The following PRDM16 variants were observed in gnomAD, a reference collection of about 807,000 sequenced individuals.
PRDM16 encodes the protein histone-lysine N-methyltransferase PRDM16.
In PRDM16, 23 loss-of-function variants were observed where a neutral mutation model predicts 110.6. The ratio of observed to expected loss-of-function variants is 0.21; its 90% confidence interval spans 0.15 to 0.29. The LOEUF (loss-of-function observed/expected upper bound fraction) is 0.29. Ranked by LOEUF, PRDM16 falls within the 10% of genes least tolerant of loss-of-function variation. PRDM16 has a pLI of 1.00. For synonymous variants in PRDM16, 799 were observed against 781.8 expected, an observed-to-expected ratio of 1.02 and a Z score of -0.37; for missense variants, 1,615 against 1,794.3, an observed-to-expected ratio of 0.90 and a Z score of 1.81.
At chr1:3,338,685 G>A (rs1417945989) in intron 3 of PRDM16, among the ~76,000 whole-genome samples, 2 of 152,190 alleles carry the variant, frequency 1.3e-5, no homozygotes, top group Non-Finnish European at 2.9e-5. Flanking sequence ...TTGGCTGGCT[G>A]GGGAAGCTCC....
intron 3 of PRDM16, among the ~76,000 whole-genome samples, chr1:3,343,552 G>T (rs1642309944): frequency 6.6e-6 from 1 of 150,778 alleles, no homozygotes. Context: ...CTCTCCTCCT[G>T]GGACTCCAGT....
At chr1:3,381,341 T>G (rs1020413169) in intron 3 of PRDM16, among the ~76,000 whole-genome samples, 1 of 151,414 alleles carries the variant, frequency 6.6e-6, no homozygotes, top group African/African-American at 2.4e-5. Flanking sequence ...CAGGGATTTA[T>G]TGGGGAGAGC....
intron 2 of PRDM16, among the ~76,000 whole-genome samples, chr1:3,196,962 C>T (rs1638494809): frequency 6.6e-6 from 1 of 152,220 alleles, no homozygotes; most frequent in South Asian, 2.1e-4. Context: ...GGGGACCCCA[C>T]TGTTGCCCAG....
At chr1:3,345,349 A>G (rs991132271) in intron 3 of PRDM16, among the ~76,000 whole-genome samples, 1 of 152,220 alleles carries the variant, frequency 6.6e-6, no homozygotes, top group African/African-American at 2.4e-5. Context: ...CTACTCTACC[A>G]CTGTGGGAAC....
At position 3,081,434 on chromosome 1, in the gene PRDM16, A is replaced by G. The variant is rs1249586248; in HGVS notation, c.37+12138A>G. Among the ~76,000 whole-genome samples, 1 of 152,098 alleles carries G rather than the reference A, an allele frequency of 6.6e-6. No homozygotes were observed. Among genetic ancestry groups the G allele is most frequent in the East Asian group, 1.9e-4 (1 of 5,170 alleles). On this transcript the variant is annotated intron_variant, in intron 1 of 16. Coordinates refer to ENST00000270722, the MANE Select transcript of PRDM16 (RefSeq NM_022114.4). This position sits in a 1 kb window ranked among gnomAD's most constrained non-coding sequence, Gnocchi z 4.6. ...AGCCTGGCCCGGCCGGCCCCTGGAG[A>G]GCCCCCTCCTTGTCCCACCAGACCG...
At chr1:3,123,693 G>A (rs1053301060) in intron 1 of PRDM16, among the ~76,000 whole-genome samples, 2 of 152,234 alleles carry the variant, frequency 1.3e-5, no homozygotes, top group Admixed American at 1.3e-4. Context: ...AGGAGATGCG[G>A]CTGTGAGGGT....
chr1:3,186,178 A>G lies in PRDM16; in HGVS notation c.91A>G (p.Ser31Gly), dbSNP rs1569798407. 6.2e-7 allele frequency: 1 copy of G among 1,612,894 alleles called. No homozygotes were observed. Among genetic ancestry groups the G allele is most frequent in the East Asian group, 2.2e-5 (1 of 44,880 alleles). Reference sequence around the variant, plus strand: ...TGAGCCCAACCGGGACCTGCTGGCCAGCCACAGCGCGGAGGACGAGGCCGA... The same window carrying G: ...TGAGCCCAACCGGGACCTGCTGGCCGGCCACAGCGCGGAGGACGAGGCCGA... The part of the protein sequence containing the change: ...MYEPNRDLLA[S>G]HSAEDEAEDS... Residue 31 changes from serine to glycine, a missense_variant, in exon 2 of 17, where the codon AGC (serine) becomes GGC (glycine). By Grantham distance (56) the Ser-to-Gly change is moderately conservative. Transcript: ENST00000270722.
intron 3 of PRDM16, among the ~76,000 whole-genome samples, chr1:3,285,476 A>G (rs1463188543): frequency 6.6e-6 from 1 of 152,020 alleles, no homozygotes; most frequent in African/African-American, 2.4e-5. Flanking sequence ...CCCACTCACA[A>G]ATCTCGGGAC....
At chr1:3,191,663 C>T (rs1054034118) in intron 2 of PRDM16, among the ~76,000 whole-genome samples, 2 of 152,232 alleles carry the variant, frequency 1.3e-5, no homozygotes, top group African/African-American at 4.8e-5. Context: ...GTTTGGAATA[C>T]TGATGCTCTT....
At chr1:3,400,965 T>C (rs1481462395) in intron 5 of PRDM16, among the ~76,000 whole-genome samples, 2 of 152,062 alleles carry the variant, frequency 1.3e-5, no homozygotes, top group Non-Finnish European at 2.9e-5. Flanking sequence ...TGTACCTTGG[T>C]TGGCAAGGGG....
At chr1:3,138,549 C>T in intron 1 of PRDM16, among the ~76,000 whole-genome samples, 1 of 152,254 alleles carries the variant, frequency 6.6e-6, no homozygotes, top group East Asian at 1.9e-4. Context: ...GGTGACATAC[C>T]TGCCCTCACC....
chr1:3,076,909 T>G (rs1194064103), intron 1 of PRDM16, among the ~76,000 whole-genome samples: 1 of 152,080 alleles, frequency 6.6e-6, no homozygotes, highest in Non-Finnish European at 1.5e-5. Context: ...TGGGTGTTTT[T>G]GGGGGGGACA....
rs546965006 is a variant in PRDM16, at chr1:3,081,909, A to T, written c.37+12613A>T. 2.6e-5 allele frequency among the ~76,000 whole-genome samples: 4 copies of T among 152,318 alleles called. No homozygotes were observed. In the South Asian group the frequency reaches 8.3e-4, roughly 32 times the overall value. On this transcript the variant is annotated intron_variant, in intron 1 of 16. Coordinates refer to ENST00000270722, the MANE Select transcript of PRDM16 (RefSeq NM_022114.4). The surrounding 1 kb of genome is among the most constrained non-coding windows in gnomAD (Gnocchi z 4.6). ...CACAGACCCAGAGGCAGAGGCCTTC[A>T]GGGCCAGCAGTCAGGATGGGCAGAT...
At chr1:3,169,420 ACC>A (rs1643999202) in intron 1 of PRDM16, among the ~76,000 whole-genome samples, 1 of 151,988 alleles carries the variant, frequency 6.6e-6, no homozygotes, top group South Asian at 2.1e-4. Context: ...GTTGGAAGAT[ACC>A]ACACAGGGGT....
chr1:3,231,630 C>T (rs1639418730), intron 2 of PRDM16, among the ~76,000 whole-genome samples: 1 of 152,210 alleles, frequency 6.6e-6, no homozygotes, highest in Non-Finnish European at 1.5e-5. Context: ...GAAGGAAGGT[C>T]GGAGGAACAT....
chr1:3,186,307 A>G lies in PRDM16; in HGVS notation c.220A>G (p.Ile74Val), dbSNP rs774220044. ...EGSPYEAPVYIPEDIPIPADF... is the reference protein window; with the variant it reads ...EGSPYEAPVYVPEDIPIPADF... ...CTCGCCGTACGAGGCCCCTGTCTAC[A>G]TTCCTGAAGACATTCCGATCCCAGC... Residue 74 changes from isoleucine to valine, a missense_variant, in exon 2 of 17, where the codon ATT (isoleucine) becomes GTT (valine). Physicochemically the swap from Ile to Val is conservative, Grantham distance 29. Transcript: ENST00000270722. 6 of 1,611,962 alleles carry G rather than the reference A, an allele frequency of 3.7e-6. No individual in the cohort carries two copies. The highest frequency in any genetic ancestry group is 5.1e-6 in the Non-Finnish European group (6 of 1,179,516).
At chr1:3,393,878 G>A (rs1286868533) in intron 4 of PRDM16, among the ~76,000 whole-genome samples, 2 of 152,164 alleles carry the variant, frequency 1.3e-5, no homozygotes, top group Non-Finnish European at 2.9e-5. Context: ...CTCGGGCCCT[G>A]CGATCAGCAG....
intron 3 of PRDM16, among the ~76,000 whole-genome samples, chr1:3,292,857 G>C (rs577978376): frequency 2.0e-5 from 3 of 152,352 alleles, no homozygotes; most frequent in South Asian, 4.1e-4. Flanking sequence ...CGAATGGCCT[G>C]GGTGGGTTTC....
rs1557509300 is a variant in PRDM16, at chr1:3,181,476, AGTCTTACACACAGCCTTACGCATG to A, written c.38-4637_38-4614del. Among the ~76,000 whole-genome samples the A allele has an allele frequency of 1.8e-3, 79 of 44,396 alleles. 8 individuals are homozygous for A. The highest frequency in any genetic ancestry group is 3.8e-3 in the African/African-American group (74 of 19,506). The allele number at this position is 44,396 out of a possible 152,430, so 29.1% of individuals were successfully genotyped here. A position where few individuals can be genotyped will look rare whatever the true frequency, so the allele number is the denominator to read the frequency against. ...GTCTTACACACGGTCTTACACACGCAGTCTTACACACAGCCTTACGCATGGTCTTACACACGCAGTCTTACACAA... is the reference window on the plus strand; with the variant it reads ...GTCTTACACACGGTCTTACACACGCAGTCTTACACACGCAGTCTTACACAA... On this transcript the variant is annotated intron_variant, in intron 1 of 16. Transcript: ENST00000270722.
Sources: allele counts gnomAD v4.1 joint callset (sites outside exome capture counted in the v4.1 genomes callset), GRCh38; gene constraint gnomAD v4.1.1; non-coding constraint Gnocchi (gnomAD v3.1); transcripts MANE v1.5; gene names NCBI Gene and HGNC (gene_info 2026-07-23, HGNC 2026-07-21).